PRKN: variants seen among roughly 807,000 people sequenced by gnomAD.
The protein encoded by PRKN is parkin RBR E3 ubiquitin protein ligase.
Under a neutral mutation model 59.5 loss-of-function variants are expected in PRKN, and 56 were observed. That is an observed-to-expected ratio of 0.94 (90% CI 0.76 to 1.18). The LOEUF (loss-of-function observed/expected upper bound fraction) is 1.18. Among genes scored for constraint, PRKN ranks in the 50% most tolerant of loss-of-function variants. The probability of loss-of-function intolerance (pLI) is 0.00; values close to 1 mark genes in which losing one functional copy is unlikely to be tolerated. For missense variants in PRKN, 657 were observed against 596.4 expected, an observed-to-expected ratio of 1.10 and a Z score of -1.06; for synonymous variants, 250 against 222.1, an observed-to-expected ratio of 1.13 and a Z score of -1.12.
chr6:162,045,275 C>G (rs755421787), intron 5 of PRKN, among the ~76,000 whole-genome samples: 1 of 152,136 alleles, frequency 6.6e-6, no homozygotes. Context: ...ATTTTAAAAA[C>G]GATCTTTTGC....
intron 2 of PRKN, among the ~76,000 whole-genome samples, chr6:162,295,650 C>T (rs1037317073): frequency 6.6e-6 from 1 of 152,162 alleles, no homozygotes; most frequent in African/African-American, 2.4e-5. Flanking sequence ...GTTGTGGGAA[C>T]CTCACTGGCA....
At position 161,423,655 on chromosome 6, in the gene PRKN, T is replaced by A. The variant is rs1788204370; in HGVS notation, c.1084-36778A>T. On this transcript the variant is annotated intron_variant, in intron 9 of 11. Transcript: ENST00000366898. This position sits in a 1 kb window ranked among gnomAD's most constrained non-coding sequence, Gnocchi z 5.9. ...TTAAAGCTGCCTCTTTCTGGAAGCTTCCTCTGCACACTCTAGCTACAGCAG... is the reference window on the plus strand; with the variant it reads ...TTAAAGCTGCCTCTTTCTGGAAGCTACCTCTGCACACTCTAGCTACAGCAG... Among the ~76,000 whole-genome samples the A allele has an allele frequency of 6.6e-6, 1 of 152,174 alleles. No homozygotes were observed. The highest frequency in any genetic ancestry group is 2.1e-4 in the South Asian group (1 of 4,832).
intron 7 of PRKN, among the ~76,000 whole-genome samples, chr6:161,629,360 A>C (rs1390161193): frequency 6.6e-6 from 1 of 152,124 alleles, no homozygotes; most frequent in African/African-American, 2.4e-5. Context: ...GGGTGCAGTC[A>C]GGAGCGATTT....
intron 6 of PRKN, among the ~76,000 whole-genome samples, chr6:161,864,088 C>A (rs6920809): frequency 6.6e-6 from 1 of 152,176 alleles, no homozygotes; most frequent in African/African-American, 2.4e-5. Context: ...TATAGTGGTT[C>A]CATACAATAA....
intron 4 of PRKN, among the ~76,000 whole-genome samples, chr6:162,153,418 G>A (rs1473120857): frequency 6.6e-6 from 1 of 152,202 alleles, no homozygotes; most frequent in Non-Finnish European, 1.5e-5. Context: ...AGGCCTCAGA[G>A]GGCATGTTAC....
At chr6:161,557,348 G>A (rs1237321946) in intron 8 of PRKN, among the ~76,000 whole-genome samples, 1 of 152,178 alleles carries the variant, frequency 6.6e-6, no homozygotes, top group Non-Finnish European at 1.5e-5. Context: ...TCATGGGAGA[G>A]TATAATGAAA....
intron 7 of PRKN, among the ~76,000 whole-genome samples, chr6:161,706,809 C>A (rs956646860): frequency 3.3e-5 from 5 of 152,138 alleles, no homozygotes; most frequent in Non-Finnish European, 7.4e-5. Flanking sequence ...CTAACCGCCT[C>A]GGCCTCCTAA....
intron 1 of PRKN, among the ~76,000 whole-genome samples, chr6:162,722,820 A>C (rs559387925): frequency 6.6e-6 from 1 of 152,342 alleles, no homozygotes; most frequent in South Asian, 2.1e-4. Flanking sequence ...AAACATCCTC[A>C]GAAATAGGGC....
chr6:161,383,453 A>G lies in PRKN; in HGVS notation c.1167+3341T>C, dbSNP rs183412035. On this transcript the variant is annotated intron_variant, in intron 10 of 11. Transcript: ENST00000366898. ...GCTGGCTCCCATGGGCTGTGCCCCT[A>G]GGATCCCTTGTGTCTGGCTTCGGTG... Among the ~76,000 whole-genome samples the G allele has an allele frequency of 2.4e-3, 360 of 152,296 alleles. 1 individual carries two copies. The highest frequency in any genetic ancestry group is 0.01 in the Middle Eastern group (3 of 294).
rs181817225 is a variant in PRKN at position 162,061,718 on chromosome 6, C to T, written c.535-7544G>A. 6.6e-4 allele frequency among the ~76,000 whole-genome samples: 101 copies of T among 152,136 alleles called. No individual in the cohort carries two copies. The South Asian group carries it at 7.0e-3, about 11-fold the overall frequency. ...ATTAAATAGTAACCAGGAAAAAGAACGAAAAAAATTCGTTAAACCAAAATA... is the reference window on the plus strand; with the variant it reads ...ATTAAATAGTAACCAGGAAAAAGAATGAAAAAAATTCGTTAAACCAAAATA... On this transcript the variant is annotated intron_variant, in intron 4 of 11. Coordinates refer to ENST00000366898, the MANE Select transcript of PRKN (RefSeq NM_004562.3).
chr6:161,611,627 C>T (rs919747209), intron 7 of PRKN, among the ~76,000 whole-genome samples: 4 of 152,224 alleles, frequency 2.6e-5, no homozygotes, highest in Admixed American at 6.5e-5. Flanking sequence ...GACTGCTCCA[C>T]TAACCAGACC....
At chr6:162,108,441 C>T (rs569308580) in intron 4 of PRKN, among the ~76,000 whole-genome samples, 4 of 152,054 alleles carry the variant, frequency 2.6e-5, no homozygotes, top group Admixed American at 6.6e-5. Context: ...TTTCAGAAAC[C>T]CTTTCCTTAG....
intron 2 of PRKN, among the ~76,000 whole-genome samples, chr6:162,437,761 C>T (rs9346913): frequency 2.0e-5 from 3 of 152,110 alleles, no homozygotes; most frequent in Admixed American, 1.3e-4. Flanking sequence ...TATCAACAGT[C>T]GGCTCCTTTT....
At chr6:162,652,527 G>A (rs1778483474) in intron 1 of PRKN, among the ~76,000 whole-genome samples, 1 of 151,774 alleles carries the variant, frequency 6.6e-6, no homozygotes, top group Non-Finnish European at 1.5e-5. Context: ...TTTAAATTTA[G>A]TTTAAATATA....
chr6:161,449,837 A>G (rs1289643603), intron 9 of PRKN, among the ~76,000 whole-genome samples: 2 of 151,904 alleles, frequency 1.3e-5, no homozygotes, highest in Non-Finnish European at 2.9e-5. Flanking sequence ...AGCAATGGGA[A>G]AGTGCAGGAA....
chr6:162,405,479 T>A (rs1788011735), intron 2 of PRKN, among the ~76,000 whole-genome samples: 1 of 152,142 alleles, frequency 6.6e-6, no homozygotes, highest in Non-Finnish European at 1.5e-5. Context: ...AAGGAACTCA[T>A]CATCTAGTCC....
intron 7 of PRKN, among the ~76,000 whole-genome samples, chr6:161,641,710 C>G (rs976689647): frequency 6.6e-6 from 1 of 152,224 alleles, no homozygotes; most frequent in Non-Finnish European, 1.5e-5. Context: ...GGAACTCAAA[C>G]TCTTCATCTG....
chr6:162,558,508 T>C (rs757436219), intron 1 of PRKN, among the ~76,000 whole-genome samples: 12 of 152,096 alleles, frequency 7.9e-5, no homozygotes, highest in Admixed American at 2.0e-4. Flanking sequence ...TTTGTATTTT[T>C]AGTAGAGATG....
At chr6:162,095,045 A>G (rs1486003243) in intron 4 of PRKN, among the ~76,000 whole-genome samples, 1 of 152,114 alleles carries the variant, frequency 6.6e-6, no homozygotes, top group Non-Finnish European at 1.5e-5. Context: ...ACAGACTGAC[A>G]CTATGAAGAA....
Sources: allele counts gnomAD v4.1 joint callset (sites outside exome capture counted in the v4.1 genomes callset), GRCh38; gene constraint gnomAD v4.1.1; non-coding constraint Gnocchi (gnomAD v3.1); transcripts MANE v1.5; gene names NCBI Gene and HGNC (gene_info 2026-07-23, HGNC 2026-07-21).